LDLRAD3: variants seen among roughly 807,000 people sequenced by gnomAD.
LDLRAD3 encodes the protein low density lipoprotein receptor class A domain containing 3, also known as low-density lipoprotein receptor class A domain-containing protein 3.
In LDLRAD3, 20 loss-of-function variants were observed where a neutral mutation model predicts 29.4. The observed-to-expected ratio is 0.68, with a 90% CI of 0.48 to 0.99. The LOEUF (loss-of-function observed/expected upper bound fraction) is 0.99, where lower values mean the gene tolerates loss of function less well. Ranked by LOEUF, LDLRAD3 falls within the 50% of genes least tolerant of loss-of-function variation. LDLRAD3 has a pLI of 0.00. For synonymous variants in LDLRAD3, 157 were observed against 192.7 expected (o/e 0.81, Z 1.53); for missense variants, 420 against 454.3 (o/e 0.92, Z 0.69).
chr11:35,991,867 T>TTGTGTGTGTGTGTG (rs33941156), intron 1 of LDLRAD3, among the ~76,000 whole-genome samples: 4,511 of 82,592 alleles, frequency 0.055, 279 homozygotes, highest in African/African-American at 0.12. Context: ...GAATGGTTGT[T>TTGTGTGTGTGTGTG]TGTGTGTGTG....
chr11:35,966,662 G>T (rs1045003366), intron 1 of LDLRAD3, among the ~76,000 whole-genome samples: 9 of 97,946 alleles, frequency 9.2e-5, no homozygotes, highest in African/African-American at 6.6e-4. Flanking sequence ...CAGCGTTTTT[G>T]TTCTGCAATT....
chr11:35,963,478 C>T (rs1851303244), intron 1 of LDLRAD3, among the ~76,000 whole-genome samples: 1 of 151,014 alleles, frequency 6.6e-6, no homozygotes. Flanking sequence ...CCTAAAACCT[C>T]TAGTTTTAGT....
At chr11:36,047,724 A>C (rs1852471077) in intron 2 of LDLRAD3, among the ~76,000 whole-genome samples, 1 of 152,148 alleles carries the variant, frequency 6.6e-6, no homozygotes. Flanking sequence ...ATCATCTGGG[A>C]GCTGTGCAAC....
At position 35,969,013 on chromosome 11, in the gene LDLRAD3, G is replaced by A. The variant is rs537513185; in HGVS notation, c.46+24869G>A. 2.6e-5 allele frequency among the ~76,000 whole-genome samples: 4 copies of A among 152,222 alleles called. No homozygotes were observed. The South Asian group carries it at 8.3e-4, about 32-fold the overall frequency. ...CATATGGTGTGCGTACCAAGTCCCC[G>A]GCTCAGAGTCACGATTTTATACACA... On this transcript the variant is annotated intron_variant, in intron 1 of 5. Coordinates refer to ENST00000315571, the MANE Select transcript of LDLRAD3 (RefSeq NM_174902.4).
chr11:36,107,316 A>G (rs1254860308), intron 4 of LDLRAD3, among the ~76,000 whole-genome samples: 1 of 151,328 alleles, frequency 6.6e-6, no homozygotes, highest in East Asian at 2.0e-4. Context: ...TTCTCCTGCC[A>G]CAGCCTCCCG....
chr11:36,064,420 C>T lies in LDLRAD3; in HGVS notation c.194-17233C>T, dbSNP rs112709693. Among the ~76,000 whole-genome samples the T allele has an allele frequency of 1.4e-3, 211 of 152,126 alleles. 1 individual carries two copies. The highest frequency in any genetic ancestry group is 5.0e-3 in the African/African-American group (207 of 41,492). On this transcript the variant is annotated intron_variant, in intron 2 of 5. Transcript: ENST00000315571. ...GACCTCCCAGGCTCAAGTGATACTC[C>T]TGCCTCAGCCTCCCAAATAGCTGGA...
chr11:35,962,078 C>T (rs1013718407), intron 1 of LDLRAD3, among the ~76,000 whole-genome samples: 4 of 152,164 alleles, frequency 2.6e-5, no homozygotes. Context: ...GGTGACTCCT[C>T]ATTTTCACAT....
intron 3 of LDLRAD3, among the ~76,000 whole-genome samples, chr11:36,094,462 C>T (rs1230273387): frequency 6.6e-6 from 1 of 152,240 alleles, no homozygotes; most frequent in Non-Finnish European, 1.5e-5. Context: ...TTGATAGGAA[C>T]AGTTAGCCAG....
At chr11:36,098,246 A>C in intron 3 of LDLRAD3, 81 bp from the exon 4 acceptor site, 1 of 1,543,904 alleles carries the variant, frequency 6.5e-7, no homozygotes, top group Non-Finnish European at 8.9e-7. Flanking sequence ...AGCGGGACAC[A>C]CGCCAGGCTG....
rs78027431 is a variant in LDLRAD3 at position 36,229,141 on chromosome 11, C to A, written c.801-19C>A. On this transcript the variant is annotated intron_variant, in intron 5 of 5. Coordinates refer to ENST00000315571, the MANE Select transcript of LDLRAD3 (RefSeq NM_174902.4). ...TTCCTGTCTCCATTGCCCCTGCCCCCCTGCTGTCCCCATCACAGGCCTGCG... is the reference window on the plus strand; with the variant it reads ...TTCCTGTCTCCATTGCCCCTGCCCCACTGCTGTCCCCATCACAGGCCTGCG... 36 of 1,563,998 alleles carry A rather than the reference C, an allele frequency of 2.3e-5. No individual in the cohort carries two copies. In the East Asian group the frequency reaches 7.2e-4, roughly 31 times the overall value.
intron 1 of LDLRAD3, among the ~76,000 whole-genome samples, chr11:36,026,217 A>G (rs1021018271): frequency 2.6e-5 from 4 of 152,208 alleles, no homozygotes; most frequent in African/African-American, 2.4e-5. Flanking sequence ...AGATTTACCT[A>G]TGTTGAGTGA....
At chr11:36,128,480 C>A (rs948827774) in intron 4 of LDLRAD3, among the ~76,000 whole-genome samples, 1 of 152,066 alleles carries the variant, frequency 6.6e-6, no homozygotes, top group Non-Finnish European at 1.5e-5. Flanking sequence ...AGCCCGTGCA[C>A]CTGGGAAATT....
chr11:36,116,459 G>A (rs1045840441), intron 4 of LDLRAD3, among the ~76,000 whole-genome samples: 3 of 152,050 alleles, frequency 2.0e-5, no homozygotes, highest in Admixed American at 6.5e-5. Flanking sequence ...CTCATAAGGC[G>A]CTTCTATTGT....
chr11:36,186,406 A>G (rs1342543173), intron 4 of LDLRAD3, among the ~76,000 whole-genome samples: 1 of 152,218 alleles, frequency 6.6e-6, no homozygotes, highest in Non-Finnish European at 1.5e-5. Flanking sequence ...AGTGAGTCAC[A>G]GGAGCTAACA....
chr11:36,027,392 G>T (rs1013630445), intron 1 of LDLRAD3, among the ~76,000 whole-genome samples: 1 of 152,122 alleles, frequency 6.6e-6, no homozygotes, highest in Non-Finnish European at 1.5e-5. Context: ...TACTTCGTGG[G>T]TTATACATGT....
At chr11:36,064,655 C>T (rs1486444739) in intron 2 of LDLRAD3, among the ~76,000 whole-genome samples, 3 of 151,926 alleles carry the variant, frequency 2.0e-5, no homozygotes, top group Admixed American at 1.3e-4. Flanking sequence ...AGTTTGAAAT[C>T]GTTCTTGTTT....
intron 4 of LDLRAD3, among the ~76,000 whole-genome samples, chr11:36,107,622 C>A (rs1853547528): frequency 6.6e-6 from 1 of 152,112 alleles, no homozygotes; most frequent in South Asian, 2.1e-4. Flanking sequence ...TGTTTAAATA[C>A]ACAAATACTT....
intron 4 of LDLRAD3, among the ~76,000 whole-genome samples, chr11:36,162,265 A>G (rs1178795619): frequency 1.3e-5 from 2 of 152,166 alleles, no homozygotes. Flanking sequence ...AGAAAGATGC[A>G]TTTTTGAAGA....
intron 1 of LDLRAD3, among the ~76,000 whole-genome samples, chr11:35,981,092 C>G (rs926465386): frequency 6.6e-6 from 1 of 152,108 alleles, no homozygotes; most frequent in Admixed American, 6.5e-5. Flanking sequence ...AAGTAAGTTT[C>G]CCTTTGGGGC....
Sources: gnomAD v4.1 joint callset for allele counts (sites outside exome capture counted in the v4.1 genomes callset) on GRCh38, gnomAD v4.1.1 for gene constraint, MANE v1.5 for transcripts, NCBI Gene and HGNC (gene_info 2026-07-23, HGNC 2026-07-21) for gene names.